ANKFN1: variants seen among roughly 807,000 people sequenced by gnomAD.
ANKFN1 encodes ankyrin repeat and fibronectin type-III domain-containing protein 1.
A neutral mutation model predicts 108.7 loss-of-function variants in ANKFN1; 74 were observed. The ratio of observed to expected loss-of-function variants is 0.68; its 90% CI spans 0.56 to 0.83. The LOEUF (loss-of-function observed/expected upper bound fraction) is 0.83, where lower values mean the gene tolerates loss of function less well. Ranked by LOEUF, ANKFN1 falls within the 40% of genes least tolerant of loss-of-function variation. The pLI is 0.00. For synonymous variants in ANKFN1, 547 were observed against 516.2 expected (o/e 1.06, Z -0.81); for missense variants, 1,505 against 1,382.3 (o/e 1.09, Z -1.41).
At chr17:56,180,370 CT>C (rs1222472088) in intron 1 of ANKFN1, among the ~76,000 whole-genome samples, 16 of 152,180 alleles carry the variant, frequency 1.1e-4, no homozygotes, top group African/African-American at 3.9e-4. Context: ...AAGGTCTCTT[CT>C]GTAAGCCCAT....
chr17:56,228,411 C>T (rs148594257), intron 3 of ANKFN1: 333 of 157,746 alleles, frequency 2.1e-3, no homozygotes, highest in Admixed American at 3.6e-3. Flanking sequence ...CTCTGTAAAC[C>T]CGTATTCTCT....
chr17:56,341,144 C>CA (rs2045947887), intron 4 of ANKFN1, among the ~76,000 whole-genome samples: 1 of 152,070 alleles, frequency 6.6e-6, no homozygotes, highest in Non-Finnish European at 1.5e-5. Context: ...AGTTTTGGCA[C>CA]ATTGATTTTG....
At position 56,326,259 on chromosome 17, in the gene ANKFN1, G is replaced by T. The variant is rs758080488; in HGVS notation, c.92G>T (p.Ser31Ile). The T allele has an allele frequency of 1.2e-6, 2 of 1,613,804 alleles. No homozygotes were observed. The highest frequency in any genetic ancestry group is 1.7e-6 in the Non-Finnish European group (2 of 1,179,884). The change falls in exon 4 of 21, where the codon AGC becomes ATC. Residue 31 changes from serine to isoleucine, a missense_variant. Coordinates refer to ENST00000682825, the MANE Select transcript of ANKFN1 (RefSeq NM_001370326.1). Reference protein sequence around the residue: ...RRFACFAQRLSHRRKQSQCDL... With the variant: ...RRFACFAQRLIHRRKQSQCDL... ...TTCGCTTGCTTTGCACAGAGGCTGAGCCACAGGAGAAAGCAAAGCCAATGT... is the reference window on the plus strand; with the variant it reads ...TTCGCTTGCTTTGCACAGAGGCTGATCCACAGGAGAAAGCAAAGCCAATGT...
At chr17:56,354,741 C>CT (rs765684176) in intron 6 of ANKFN1, among the ~76,000 whole-genome samples, 36 of 152,218 alleles carry the variant, frequency 2.4e-4, no homozygotes, top group Non-Finnish European at 2.5e-4. Context: ...ATGATATCAA[C>CT]TTTTTAAAAA....
rs1206361379 is a variant in ANKFN1 at position 56,515,473 on chromosome 17, C to T, written c.*4204C>T. Among the ~76,000 whole-genome samples the T allele has an allele frequency of 1.3e-5, 2 of 152,172 alleles. No homozygotes were observed. Among genetic ancestry groups the T allele is most frequent in the Admixed American group, 6.5e-5 (1 of 15,288 alleles). On this transcript the variant is annotated 3_prime_UTR_variant, in exon 21 of 21. Coordinates refer to ENST00000682825, the MANE Select transcript of ANKFN1 (RefSeq NM_001370326.1). Reference sequence around the variant, plus strand: ...TATTTGGAAAGCAATGGTATCTCTTCATAGGTAATAGGGTGAGCAAGGAAA... The same window carrying T: ...TATTTGGAAAGCAATGGTATCTCTTTATAGGTAATAGGGTGAGCAAGGAAA...
At chr17:56,400,755 A>AT (rs1055821805) in intron 8 of ANKFN1, among the ~76,000 whole-genome samples, 2 of 151,872 alleles carry the variant, frequency 1.3e-5, no homozygotes, top group African/African-American at 2.4e-5. Context: ...TCTTGAGTTG[A>AT]TTTTTTTTAT....
At chr17:56,484,268 T>C (rs1395897148) in intron 18 of ANKFN1, among the ~76,000 whole-genome samples, 1 of 152,052 alleles carries the variant, frequency 6.6e-6, no homozygotes, top group African/African-American at 2.4e-5. Context: ...AGCATCAGGC[T>C]GAGAAATCTG....
chr17:56,153,646 G>A, intron 1 of ANKFN1, 116 bp downstream of exon 1: 3 of 1,362,492 alleles, frequency 2.2e-6, no homozygotes, highest in Non-Finnish European at 3.1e-6. Flanking sequence ...GTTAGCTGGT[G>A]AGCATCCATG....
intron 2 of ANKFN1, among the ~76,000 whole-genome samples, chr17:56,214,512 C>T (rs1403195320): frequency 6.6e-6 from 1 of 152,176 alleles, no homozygotes; most frequent in Non-Finnish European, 1.5e-5. Flanking sequence ...CTCCCTATTG[C>T]ACAGGTGATT....
At chr17:56,384,856 G>C (rs1350005552) in intron 8 of ANKFN1, among the ~76,000 whole-genome samples, 1 of 151,926 alleles carries the variant, frequency 6.6e-6, no homozygotes, top group Non-Finnish European at 1.5e-5. Flanking sequence ...CATGCTTATG[G>C]GTAGGAAGAA....
intron 3 of ANKFN1, among the ~76,000 whole-genome samples, chr17:56,251,188 C>T (rs558529590): frequency 1.1e-4 from 16 of 152,200 alleles, no homozygotes; most frequent in South Asian, 6.2e-4. Flanking sequence ...TCCAGGAGTT[C>T]GAGACCAGCC....
At chr17:56,372,166 G>A (rs747147437) in intron 6 of ANKFN1, among the ~76,000 whole-genome samples, 98 of 152,126 alleles carry the variant, frequency 6.4e-4, no homozygotes, top group Non-Finnish European at 1.2e-3. Context: ...TGTGTTAAAG[G>A]CAGAAAATTT....
intron 4 of ANKFN1, among the ~76,000 whole-genome samples, chr17:56,095,158 G>T (rs1436470831): frequency 6.6e-6 from 1 of 151,132 alleles, no homozygotes; most frequent in Non-Finnish European, 1.5e-5. Flanking sequence ...TGCCCAAACT[G>T]GGTGTTGATA....
At chr17:56,294,716 A>G (rs1170246294) in intron 3 of ANKFN1, among the ~76,000 whole-genome samples, 1 of 152,244 alleles carries the variant, frequency 6.6e-6, no homozygotes, top group East Asian at 1.9e-4. Flanking sequence ...GTCTGGCAGA[A>G]ATAGCAGAAA....
In ANKFN1 at chr17:56,514,220, C is replaced by G. The variant is rs1203044143; in HGVS notation, c.*2951C>G. Among the ~76,000 whole-genome samples, 1 of 152,128 alleles carries G rather than the reference C, an allele frequency of 6.6e-6. No homozygotes were observed. The highest frequency in any genetic ancestry group is 1.5e-5 in the Non-Finnish European group (1 of 68,018). ...ATCATTTGTGAAAATCCTCAAAAAT[C>G]CTTGACTGAGGTTCTCCCATATGTC... On this transcript the variant is annotated 3_prime_UTR_variant, in exon 21 of 21. Transcript: ENST00000682825.
chr17:56,435,468 A>G (rs1053733382), intron 8 of ANKFN1, among the ~76,000 whole-genome samples: 12 of 152,192 alleles, frequency 7.9e-5, no homozygotes, highest in Non-Finnish European at 1.5e-5. Context: ...AAACTAGAAA[A>G]AGGAAAGGAC....
At chr17:56,358,584 C>A (rs139716672) in intron 6 of ANKFN1, among the ~76,000 whole-genome samples, 3 of 152,216 alleles carry the variant, frequency 2.0e-5, no homozygotes, top group East Asian at 1.9e-4. Flanking sequence ...TTCCTCCTAC[C>A]TTTTTGCAAA....
At chr17:56,386,332 G>T (rs1215285523) in intron 8 of ANKFN1, among the ~76,000 whole-genome samples, 2 of 151,712 alleles carry the variant, frequency 1.3e-5, no homozygotes, top group Non-Finnish European at 2.9e-5. Flanking sequence ...GGGGTGGGGG[G>T]AGCGGGGAGG....
intron 2 of ANKFN1, among the ~76,000 whole-genome samples, chr17:56,219,220 G>T (rs1231131130): frequency 2.0e-5 from 3 of 151,084 alleles, no homozygotes; most frequent in African/African-American, 7.3e-5. Context: ...TAAAGAGTAG[G>T]TGCATTTTTT....
Sources: gnomAD v4.1 joint callset for allele counts (sites outside exome capture counted in the v4.1 genomes callset) on GRCh38, gnomAD v4.1.1 for gene constraint, MANE v1.5 for transcripts, NCBI Gene and HGNC (gene_info 2026-07-23, HGNC 2026-07-21) for gene names.